Variants in DDO observed in about 807,000 individuals in gnomAD.
DDO encodes the protein D-aspartate oxidase, also known as D-aspartate oxidase, DDO.
A neutral mutation model predicts 16.8 loss-of-function variants in DDO; 16 were observed. That is an observed-to-expected ratio of 0.95 (90% CI 0.65 to 1.45). The LOEUF (loss-of-function observed/expected upper bound fraction) is 1.45, where lower values mean the gene tolerates loss of function less well. DDO is among the 40% of genes most tolerant of loss of function. The probability of loss-of-function intolerance (pLI) is 0.00; values close to 1 mark genes in which losing one functional copy is unlikely to be tolerated. For missense variants in DDO, 429 were observed against 420.3 expected (o/e 1.02, Z -0.18); for synonymous variants, 180 against 167.2 (o/e 1.08, Z -0.59).
chr6:110,409,201 G>A (rs1773765505), intron 2 of DDO, among the ~76,000 whole-genome samples: 2 of 152,244 alleles, frequency 1.3e-5, no homozygotes, highest in Admixed American at 1.3e-4. Context: ...GGCCTGTTGG[G>A]GAGGAAACAA....
downstream of DDO, among the ~76,000 whole-genome samples, chr6:110,389,839 C>A (rs983920392): frequency 4.6e-5 from 7 of 152,196 alleles, no homozygotes; most frequent in African/African-American, 1.4e-4. Context: ...TGGCTTCCTG[C>A]AAGTCTGATA....
intron 4 of DDO, among the ~76,000 whole-genome samples, chr6:110,402,470 G>T (rs557620670): frequency 6.6e-6 from 1 of 152,250 alleles, no homozygotes; most frequent in African/African-American, 2.4e-5. Context: ...TTCGAGACCA[G>T]CCTGGCCATC....
At chr6:110,401,443 C>T (rs1443278218) in intron 4 of DDO, among the ~76,000 whole-genome samples, 1 of 144,506 alleles carries the variant, frequency 6.9e-6, no homozygotes, top group Non-Finnish European at 1.5e-5. Flanking sequence ...TTTTGTTGTG[C>T]CCCAAAGTAA....
At chr6:110,411,966 A>T (rs1333547563) in intron 2 of DDO, among the ~76,000 whole-genome samples, 7 of 152,214 alleles carry the variant, frequency 4.6e-5, no homozygotes, top group Admixed American at 4.6e-4. Context: ...AAATCAATGC[A>T]TTGGTGGGGC....
At chr6:110,413,492 A>G (rs1773936337) in intron 1 of DDO, 26 bp from the exon 2 acceptor site, 1 of 1,600,752 alleles carries the variant, frequency 6.2e-7, no homozygotes, top group Admixed American at 1.7e-5. Context: ...TGGGAGCTAT[A>G]CCCCTTGTTT....
chr6:110,405,576 G>A (rs904701897), intron 3 of DDO, among the ~76,000 whole-genome samples: 3 of 152,192 alleles, frequency 2.0e-5, no homozygotes, highest in Admixed American at 1.3e-4. Context: ...TAGCTGCTAT[G>A]CAAATGTTTA....
intron 1 of DDO, among the ~76,000 whole-genome samples, chr6:110,413,872 C>G (rs1773950165): frequency 6.6e-6 from 1 of 152,176 alleles, no homozygotes; most frequent in African/African-American, 2.4e-5. Context: ...CTCCCAGGTT[C>G]AAGCAATTCT....
chr6:110,389,775 A>T (rs1485326798), downstream of DDO, among the ~76,000 whole-genome samples: 1 of 152,192 alleles, frequency 6.6e-6, no homozygotes. Context: ...TTTTGTGTGA[A>T]TTGTTACAGA....
At chr6:110,410,975 AAC>A (rs1161527679) in intron 2 of DDO, among the ~76,000 whole-genome samples, 1 of 152,130 alleles carries the variant, frequency 6.6e-6, no homozygotes, top group African/African-American at 2.4e-5. Flanking sequence ...TGGACTGGAA[AAC>A]ACAAAGCACC....
At chr6:110,404,602 T>A (rs1039100226) in intron 4 of DDO, among the ~76,000 whole-genome samples, 172 bp downstream of exon 4, 1 of 152,220 alleles carries the variant, frequency 6.6e-6, no homozygotes, top group African/African-American at 2.4e-5. Context: ...CCTTGTGACA[T>A]AAACACTGTC....
At chr6:110,399,433 G>A (rs527357858) in intron 4 of DDO, among the ~76,000 whole-genome samples, 14 of 152,258 alleles carry the variant, frequency 9.2e-5, no homozygotes, top group Non-Finnish European at 1.9e-4. Context: ...AGTGTGAGGA[G>A]CAAACAGAGA....
rs1050301221 is a variant in DDO at position 110,392,122 on chromosome 6, T to C, written c.*653A>G. On this transcript the variant is annotated 3_prime_UTR_variant, in exon 5 of 5. Transcript: ENST00000368924. ...CCAGCTGAGGGGAGGAAAAGCTTGC[T>C]GCTAGTACTAGGAGCAAGCATGCTT... is the stretch of plus-strand genomic sequence containing the variant. 3.2e-6 allele frequency: 3 copies of C among 943,516 alleles called. No homozygotes were observed. The South Asian group carries it at 1.5e-4, about 46-fold the overall frequency. 58.4% of individuals were successfully genotyped at this position (943,516 alleles called of 1,614,324 possible). A position where few individuals can be genotyped will look rare whatever the true frequency, so the allele number is the denominator to read the frequency against.
intron 1 of DDO, 111 bp from the exon 2 acceptor site, chr6:110,413,577 C>T: frequency 1.9e-6 from 2 of 1,079,550 alleles, no homozygotes; most frequent in East Asian, 2.4e-5. Flanking sequence ...CAGAATAAGA[C>T]TTAGCCTATT....
intron 2 of DDO, among the ~76,000 whole-genome samples, chr6:110,411,285 G>C (rs930402520): frequency 2.0e-5 from 3 of 152,102 alleles, no homozygotes; most frequent in African/African-American, 7.2e-5. Context: ...CCCATCTGCT[G>C]TTCAGGGTCC....
chr6:110,408,554 A>G (rs1773739248), intron 2 of DDO, 112 bp from the exon 3 acceptor site: 17 of 854,904 alleles, frequency 2.0e-5, no homozygotes, highest in Non-Finnish European at 2.9e-5. Context: ...AGGCAAAAAT[A>G]AAATAAGGAG....
Position 110,393,359 on chromosome 6 carries a change from A to G in DDO, c.459-17T>C, listed in dbSNP as rs757389031. On this transcript the variant is annotated splice_polypyrimidine_tract_variant and intron_variant, in intron 4 of 4. Transcript: ENST00000368924. ...CCCTTTATCCTACGGAAGAGAGGCC[A>G]TGAAGTGAATATTTGTTAGCGACCT... 2.3e-5 allele frequency: 36 copies of G among 1,557,932 alleles called. No individual in the cohort carries two copies. The South Asian group carries it at 3.9e-4, about 17-fold the overall frequency.
chr6:110,414,834 C>A (rs1361869158), intron 1 of DDO, among the ~76,000 whole-genome samples: 1 of 152,252 alleles, frequency 6.6e-6, no homozygotes, highest in African/African-American at 2.4e-5. Context: ...CCACATGGTA[C>A]AAACCATGGC....
intron 2 of DDO, among the ~76,000 whole-genome samples, chr6:110,412,539 T>C (rs1032194020): frequency 6.6e-6 from 1 of 152,182 alleles, no homozygotes; most frequent in East Asian, 1.9e-4. Context: ...GGTGGAGACA[T>C]GTGGCCTGCT....
chr6:110,394,397 G>A (rs1275682583), intron 4 of DDO, among the ~76,000 whole-genome samples: 3 of 152,112 alleles, frequency 2.0e-5, no homozygotes, highest in African/African-American at 4.8e-5. Flanking sequence ...ATGAGCCACC[G>A]TGCCTGGCCT....
Sources: allele counts gnomAD v4.1 joint callset (sites outside exome capture counted in the v4.1 genomes callset), GRCh38; gene constraint gnomAD v4.1.1; transcripts MANE v1.5; gene names NCBI Gene and HGNC (gene_info 2026-07-23, HGNC 2026-07-21).